The following RPS6KC1 variants were observed in gnomAD, a reference collection of about 807,000 sequenced individuals.
The protein encoded by RPS6KC1 is ribosomal protein S6 kinase C1, also known as inactive ribosomal protein S6 kinase delta-1.
RPS6KC1 carries 54 observed loss-of-function variants against 103.8 expected under a neutral mutation model. That is an observed-to-expected ratio of 0.52 (90% CI 0.42 to 0.65). The LOEUF (loss-of-function observed/expected upper bound fraction) is 0.65. Among genes scored for constraint, RPS6KC1 ranks in the 30% least tolerant of loss-of-function variants. The pLI, the probability that RPS6KC1 is intolerant of heterozygous loss-of-function variation, is 0.00. For synonymous variants in RPS6KC1, 439 were observed against 438.7 expected (o/e 1.00, Z -0.01); for missense variants, 1,151 against 1,253.8 (o/e 0.92, Z 1.24).
chr1:213,181,625 T>A (rs1246884681), intron 8 of RPS6KC1, among the ~76,000 whole-genome samples: 3 of 152,202 alleles, frequency 2.0e-5, no homozygotes, highest in African/African-American at 7.2e-5. Flanking sequence ...TATTCAGGTA[T>A]TTGCTCATTA....
At chr1:213,260,326 A>C (rs532363733) in intron 12 of RPS6KC1, among the ~76,000 whole-genome samples, 39 of 152,306 alleles carry the variant, frequency 2.6e-4, no homozygotes, top group Admixed American at 5.9e-4. Context: ...AAGGGCTGTG[A>C]AGGGGTAGAG....
At chr1:213,461,514 A>G in the RPS6KC1 span, among the ~76,000 whole-genome samples, 1 of 152,210 alleles carries the variant, frequency 6.6e-6, no homozygotes, top group Non-Finnish European at 1.5e-5. Flanking sequence ...GCATCATGCT[A>G]CCTGACTTTA....
the RPS6KC1 span, among the ~76,000 whole-genome samples, chr1:213,570,391 T>C: frequency 6.6e-6 from 1 of 152,240 alleles, no homozygotes; most frequent in East Asian, 1.9e-4. Flanking sequence ...AGACCAAAGC[T>C]CTGAGGGTCT....
At chr1:213,398,168 A>G in the RPS6KC1 span, among the ~76,000 whole-genome samples, 1 of 147,674 alleles carries the variant, frequency 6.8e-6, no homozygotes, top group Non-Finnish European at 1.5e-5. Flanking sequence ...AGTAGCTGGG[A>G]CTACAGGCAC....
the RPS6KC1 span, among the ~76,000 whole-genome samples, chr1:213,292,175 C>T: frequency 6.6e-6 from 1 of 152,020 alleles, no homozygotes; most frequent in East Asian, 1.9e-4. Flanking sequence ...GGATGCAGCA[C>T]ACCAGCATGG....
At chr1:213,831,863 T>C in the RPS6KC1 span, among the ~76,000 whole-genome samples, 12 of 152,164 alleles carry the variant, frequency 7.9e-5, no homozygotes, top group Non-Finnish European at 1.2e-4. Flanking sequence ...TTAGTATGAA[T>C]ATGAGCCAAG....
chr1:213,265,109 T>G (rs2094884423), intron 14 of RPS6KC1, among the ~76,000 whole-genome samples: 1 of 152,210 alleles, frequency 6.6e-6, no homozygotes, highest in Non-Finnish European at 1.5e-5. Context: ...TGCCTATTCT[T>G]CAGGAGAAAG....
chr1:213,683,640 G>A, the RPS6KC1 span, among the ~76,000 whole-genome samples: 1 of 152,144 alleles, frequency 6.6e-6, no homozygotes, highest in South Asian at 2.1e-4. Flanking sequence ...CTTAATCAGG[G>A]CTGGTCACAC....
chr1:213,698,399 G>A, the RPS6KC1 span, among the ~76,000 whole-genome samples: 2 of 152,076 alleles, frequency 1.3e-5, no homozygotes, highest in East Asian at 1.9e-4. Context: ...ACTTAAAATG[G>A]TTATGAAATT....
chr1:213,144,377 G>A (rs2087463110), intron 6 of RPS6KC1, among the ~76,000 whole-genome samples: 1 of 152,074 alleles, frequency 6.6e-6, no homozygotes, highest in Admixed American at 6.6e-5. Context: ...CTGAACTCAA[G>A]TGATCCTCCC....
chr1:213,144,946 G>A (rs1017347975), intron 6 of RPS6KC1, among the ~76,000 whole-genome samples: 11 of 152,018 alleles, frequency 7.2e-5, no homozygotes, highest in Non-Finnish European at 1.3e-4. Context: ...ATGGTGGTGG[G>A]TGCCTGTAAT....
intron 2 of RPS6KC1, among the ~76,000 whole-genome samples, chr1:213,076,545 A>G (rs1330753553): frequency 4.0e-5 from 6 of 151,896 alleles, no homozygotes; most frequent in East Asian, 1.9e-4. Context: ...ATTTTACTCT[A>G]TTTTCTAGAG....
At chr1:213,215,878 G>A (rs2093645026) in intron 8 of RPS6KC1, among the ~76,000 whole-genome samples, 1 of 152,144 alleles carries the variant, frequency 6.6e-6, no homozygotes, top group Admixed American at 6.5e-5. Flanking sequence ...CCTGAAGGAA[G>A]CACTAAACAT....
chr1:213,138,834 T>C (rs2086683744), intron 6 of RPS6KC1, among the ~76,000 whole-genome samples: 4 of 152,232 alleles, frequency 2.6e-5, no homozygotes, highest in Admixed American at 2.6e-4. Context: ...CATGTGTCTT[T>C]ATGGTAGAAT....
chr1:213,462,602 C>G, the RPS6KC1 span, among the ~76,000 whole-genome samples: 3 of 152,152 alleles, frequency 2.0e-5, no homozygotes, highest in African/African-American at 7.2e-5. Flanking sequence ...ATGTCCTTTG[C>G]AGAGACATGG....
the RPS6KC1 span, among the ~76,000 whole-genome samples, chr1:213,404,349 C>G: frequency 6.6e-6 from 1 of 152,188 alleles, no homozygotes; most frequent in Non-Finnish European, 1.5e-5. Flanking sequence ...GTAGAGGGGA[C>G]CTAGCGGGGA....
At chr1:213,576,953 G>C in the RPS6KC1 span, among the ~76,000 whole-genome samples, 6 of 152,150 alleles carry the variant, frequency 3.9e-5, no homozygotes, top group Non-Finnish European at 8.8e-5. Context: ...TGTTAATATG[G>C]ACAAAGTTTG....
At chr1:213,595,059 A>C in the RPS6KC1 span, among the ~76,000 whole-genome samples, 2 of 152,166 alleles carry the variant, frequency 1.3e-5, no homozygotes, top group Non-Finnish European at 2.9e-5. Flanking sequence ...TCCCATCTTA[A>C]GCTGTGAAAA....
At chr1:213,106,800 A>G (rs991333193) in intron 4 of RPS6KC1, among the ~76,000 whole-genome samples, 1 of 152,182 alleles carries the variant, frequency 6.6e-6, no homozygotes, top group Admixed American at 6.5e-5. Context: ...TGTTTTATCT[A>G]TACCTTTCCA....
Sources: allele counts gnomAD v4.1 joint callset (sites outside exome capture counted in the v4.1 genomes callset), GRCh38; gene constraint gnomAD v4.1.1; transcripts MANE v1.5; gene names NCBI Gene and HGNC (gene_info 2026-07-23, HGNC 2026-07-21).